ASAP1: variants seen among roughly 807,000 people sequenced by gnomAD.
ASAP1 encodes the protein arf-GAP with SH3 domain, ANK repeat and PH domain-containing protein 1.
ASAP1 carries 43 observed loss-of-function variants against 145.2 expected under a neutral mutation model. The ratio of observed to expected loss-of-function variants is 0.30; its 90% confidence interval spans 0.23 to 0.38. The LOEUF is 0.38. Among genes scored for constraint, ASAP1 ranks in the 10% least tolerant of loss-of-function variants. The pLI, the probability that ASAP1 is intolerant of heterozygous loss-of-function variation, is 1.00. For synonymous variants in ASAP1, 546 were observed against 515.5 expected (o/e 1.06, Z -0.80); for missense variants, 1,018 against 1,355.3 (o/e 0.75, Z 3.91).
intron 9 of ASAP1, among the ~76,000 whole-genome samples, chr8:130,170,464 T>C (rs770158757): frequency 1.3e-5 from 2 of 152,092 alleles, no homozygotes; most frequent in Admixed American, 6.6e-5. Flanking sequence ...TTAAGGCATA[T>C]CTTAAGAGAC....
At chr8:130,383,530 G>C (rs948978699) in intron 2 of ASAP1, among the ~76,000 whole-genome samples, 13 of 152,192 alleles carry the variant, frequency 8.5e-5, no homozygotes, top group Non-Finnish European at 2.9e-5. Context: ...AGAGTGCTAA[G>C]CTCTCTCATG....
intron 27 of ASAP1, among the ~76,000 whole-genome samples, chr8:130,061,475 C>A (rs1426207133): frequency 6.6e-6 from 1 of 152,022 alleles, no homozygotes; most frequent in Admixed American, 6.5e-5. Context: ...TTATCTAATA[C>A]CATTTTAGCA....
chr8:130,348,591 T>G (rs957968657), intron 3 of ASAP1, among the ~76,000 whole-genome samples: 1 of 152,214 alleles, frequency 6.6e-6, no homozygotes, highest in Non-Finnish European at 1.5e-5. Flanking sequence ...TAGAGTCAAG[T>G]GCCTCCTGAT....
At chr8:130,234,013 CAATTCGAGGGT>C (rs1183665080) in intron 4 of ASAP1, among the ~76,000 whole-genome samples, 1 of 152,104 alleles carries the variant, frequency 6.6e-6, no homozygotes, top group African/African-American at 2.4e-5. Flanking sequence ...TACTCTGGAA[CAATTCGAGGGT>C]AAGGGTCTGA....
intron 5 of ASAP1, among the ~76,000 whole-genome samples, chr8:130,189,786 G>A (rs1451214012): frequency 5.3e-5 from 8 of 152,164 alleles, no homozygotes; most frequent in Non-Finnish European, 1.0e-4. Flanking sequence ...GCGTATGAGA[G>A]TTCCCCTTTC....
At chr8:130,103,308 C>G (rs975861007) in intron 24 of ASAP1, among the ~76,000 whole-genome samples, 51 of 151,966 alleles carry the variant, frequency 3.4e-4, no homozygotes, top group African/African-American at 1.2e-3. Context: ...CTTTTCTTGT[C>G]TAGCTAAAGG....
chr8:130,053,424 C>T lies in ASAP1; in HGVS notation c.*1307G>A, dbSNP rs893357357. 3 of 152,152 alleles carry T rather than the reference C, an allele frequency of 2.0e-5. No homozygotes were observed. Among genetic ancestry groups the T allele is most frequent in the African/African-American group, 7.2e-5 (3 of 41,432 alleles). The allele number at this position is 152,152 out of a possible 1,614,324, so 9.4% of individuals were successfully genotyped here. On this transcript the variant is annotated 3_prime_UTR_variant, in exon 30 of 30. Coordinates refer to ENST00000518721, the MANE Select transcript of ASAP1 (RefSeq NM_018482.4). Reference sequence around the variant, plus strand: ...ACAATGTTCTTAAGGATCTGATAAACATGGCTGGGATGAAAAGAAAACTGA... The same window carrying T: ...ACAATGTTCTTAAGGATCTGATAAATATGGCTGGGATGAAAAGAAAACTGA...
chr8:130,442,706 T>C (rs968910934), intron 1 of ASAP1, among the ~76,000 whole-genome samples: 1 of 152,162 alleles, frequency 6.6e-6, no homozygotes, highest in Non-Finnish European at 1.5e-5. Flanking sequence ...TCCTTCTCCC[T>C]GAGCTACTGG....
chr8:130,101,732 A>ATTTTTTTT (rs59778799), intron 24 of ASAP1, among the ~76,000 whole-genome samples: 13,120 of 86,084 alleles, frequency 0.15, 1,831 homozygotes, highest in East Asian at 0.35. Flanking sequence ...CACCTGGTTA[A>ATTTTTTTT]TTTTTTTTTT....
At chr8:130,140,512 C>T (rs1239295077) in intron 13 of ASAP1, among the ~76,000 whole-genome samples, 3 of 152,114 alleles carry the variant, frequency 2.0e-5, no homozygotes, top group Admixed American at 1.3e-4. Context: ...TGCTCCTTTC[C>T]CTCCTCCCAT....
intron 13 of ASAP1, among the ~76,000 whole-genome samples, chr8:130,141,696 G>A (rs539247916): frequency 5.3e-5 from 8 of 152,002 alleles, no homozygotes; most frequent in Non-Finnish European, 1.0e-4. Context: ...ATATGCGCAC[G>A]CTACCACACG....
At chr8:130,173,530 C>T (rs1013071163) in intron 9 of ASAP1, among the ~76,000 whole-genome samples, 1 of 152,100 alleles carries the variant, frequency 6.6e-6, no homozygotes, top group Admixed American at 6.5e-5. Context: ...CTTTGGGGGG[C>T]CAAGGCAGGA....
At chr8:130,398,871 G>A (rs77449536) in intron 2 of ASAP1, among the ~76,000 whole-genome samples, 3,482 of 152,298 alleles carry the variant, frequency 0.023, 55 homozygotes, top group Middle Eastern at 0.058. Flanking sequence ...CTGTCAGCAC[G>A]ATCTTTCAAG....
chr8:130,072,278 C>T (rs1431341274), intron 27 of ASAP1, among the ~76,000 whole-genome samples: 1 of 152,126 alleles, frequency 6.6e-6, no homozygotes, highest in Non-Finnish European at 1.5e-5. Context: ...GAATTGTAGC[C>T]CCCATAATTT....
chr8:130,198,511 TA>T (rs1815660350), intron 5 of ASAP1, among the ~76,000 whole-genome samples: 1 of 152,194 alleles, frequency 6.6e-6, no homozygotes, highest in South Asian at 2.1e-4. Context: ...GCAGTCTCCA[TA>T]AACTGTAAGA....
Position 130,115,464 on chromosome 8 carries a change from T to C in ASAP1, c.2172+164A>G, listed in dbSNP as rs1052165152. 12 of 623,756 alleles carry C rather than the reference T, an allele frequency of 1.9e-5. No individual in the cohort carries two copies. In the Admixed American group the frequency reaches 3.3e-4, roughly 17 times the overall value. The allele number at this position is 623,756 out of a possible 1,614,324, so 38.6% of individuals were successfully genotyped here. A position where few individuals can be genotyped will look rare whatever the true frequency, so the allele number is the denominator to read the frequency against. On this transcript the variant is annotated intron_variant, in intron 23 of 29. Coordinates refer to ENST00000518721, the MANE Select transcript of ASAP1 (RefSeq NM_018482.4). ...TCTGTTTCTCTGGACAACCTTAATA[T>C]AGCTGTTAAATGGTGCCCAATAAGG...
At chr8:130,268,534 C>CA (rs1554864120) in intron 3 of ASAP1, among the ~76,000 whole-genome samples, 2 of 145,688 alleles carry the variant, frequency 1.4e-5, no homozygotes, top group South Asian at 2.1e-4. Flanking sequence ...CACACACACA[C>CA]AACTGTGTAA....
At chr8:130,392,140 A>G (rs545737315) in intron 2 of ASAP1, among the ~76,000 whole-genome samples, 3 of 152,346 alleles carry the variant, frequency 2.0e-5, no homozygotes, top group South Asian at 2.1e-4. Context: ...CATTTGTGGA[A>G]TAGTTTTTAA....
intron 24 of ASAP1, among the ~76,000 whole-genome samples, chr8:130,102,270 C>T (rs542834007): frequency 1.3e-5 from 2 of 152,184 alleles, no homozygotes; most frequent in South Asian, 4.1e-4. Context: ...AGATATGTTC[C>T]TTCTATACCT....
Sources: gnomAD v4.1 joint callset for allele counts (sites outside exome capture counted in the v4.1 genomes callset) on GRCh38, gnomAD v4.1.1 for gene constraint, MANE v1.5 for transcripts, NCBI Gene and HGNC (gene_info 2026-07-23, HGNC 2026-07-21) for gene names.